The following PCSK2 variants were observed in gnomAD, a reference collection of about 807,000 sequenced individuals.
PCSK2 encodes neuroendocrine convertase 2.
In PCSK2, 14 loss-of-function variants were observed where a neutral mutation model predicts 69.7. That is an observed-to-expected ratio of 0.20 (90% CI 0.13 to 0.31). The LOEUF (loss-of-function observed/expected upper bound fraction) is 0.31, where lower values mean the gene tolerates loss of function less well. Among genes scored for constraint, PCSK2 ranks in the 10% least tolerant of loss-of-function variants. PCSK2 has a pLI of 1.00. For synonymous variants in PCSK2, 307 were observed against 320.7 expected, an observed-to-expected ratio of 0.96 and a Z score of 0.46; for missense variants, 544 against 842.5, an observed-to-expected ratio of 0.65 and a Z score of 4.39.
chr20:17,348,028 AAAG>A (rs1296739176), intron 2 of PCSK2, among the ~76,000 whole-genome samples: 6 of 126,460 alleles, frequency 4.7e-5, no homozygotes, highest in South Asian at 3.1e-4. Flanking sequence ...AAAGAGAAAG[AAAG>A]AAGAAAGAAA....
upstream of PCSK2, chr20:17,227,023 A>AG: frequency 3.0e-6 from 1 of 330,646 alleles, no homozygotes; most frequent in Non-Finnish European, 5.4e-6. Context: ...TTTAGCATCA[A>AG]GCACAGACCT....
chr20:17,349,860 C>T (rs4814608), intron 2 of PCSK2, among the ~76,000 whole-genome samples: 96,530 of 151,950 alleles, frequency 0.64, 30,931 homozygotes, highest in African/African-American at 0.7. Flanking sequence ...CAGGGCCCAT[C>T]CCTAGCAACT....
intron 2 of PCSK2, among the ~76,000 whole-genome samples, chr20:17,338,346 A>G (rs1248544852): frequency 1.3e-5 from 2 of 152,028 alleles, no homozygotes; most frequent in Non-Finnish European, 2.9e-5. Context: ...ACAGGTGGGC[A>G]CCACCAAGCC....
intron 5 of PCSK2, among the ~76,000 whole-genome samples, chr20:17,371,799 T>C (rs539438297): frequency 5.9e-5 from 9 of 152,144 alleles, no homozygotes; most frequent in Non-Finnish European, 8.8e-5. Context: ...CTATAATTTA[T>C]TTAAACATTC....
chr20:17,435,678 T>C (rs1204350792), intron 7 of PCSK2, among the ~76,000 whole-genome samples: 2 of 152,146 alleles, frequency 1.3e-5, no homozygotes, highest in Non-Finnish European at 2.9e-5. Flanking sequence ...CTTCATTCCA[T>C]AATCGCAGTG....
chr20:17,272,020 G>A (rs1337058469), intron 2 of PCSK2, among the ~76,000 whole-genome samples: 1 of 152,028 alleles, frequency 6.6e-6, no homozygotes, highest in Non-Finnish European at 1.5e-5. Context: ...TTGTAGCGTT[G>A]GTTCATAATC....
chr20:17,256,898 G>C (rs1987196340), intron 1 of PCSK2, among the ~76,000 whole-genome samples: 1 of 152,050 alleles, frequency 6.6e-6, no homozygotes, highest in Non-Finnish European at 1.5e-5. Flanking sequence ...TCTGTTAGTT[G>C]ACTGAGAATG....
At chr20:17,364,317 G>A (rs2030512477) in intron 4 of PCSK2, among the ~76,000 whole-genome samples, 1 of 152,140 alleles carries the variant, frequency 6.6e-6, no homozygotes, top group African/African-American at 2.4e-5. Flanking sequence ...GGTCCAGCAG[G>A]GTGACTGCTC....
intron 5 of PCSK2, among the ~76,000 whole-genome samples, chr20:17,402,434 G>A (rs539558935): frequency 6.6e-6 from 1 of 152,262 alleles, no homozygotes; most frequent in South Asian, 2.1e-4. Flanking sequence ...GGGAGGCTGA[G>A]GCAGGCAGAT....
intron 8 of PCSK2, among the ~76,000 whole-genome samples, chr20:17,441,593 G>A (rs1199901574): frequency 6.6e-6 from 1 of 152,180 alleles, no homozygotes; most frequent in Non-Finnish European, 1.5e-5. Context: ...CACAATCATG[G>A]TGGAAGGTGA....
chr20:17,378,977 A>G (rs941971220), intron 5 of PCSK2, among the ~76,000 whole-genome samples: 3 of 152,130 alleles, frequency 2.0e-5, no homozygotes, highest in Non-Finnish European at 4.4e-5. Flanking sequence ...TTTCTATCTC[A>G]TAGAACCAAA....
At chr20:17,312,755 C>T (rs1263952632) in intron 2 of PCSK2, among the ~76,000 whole-genome samples, 2 of 151,826 alleles carry the variant, frequency 1.3e-5, no homozygotes, top group African/African-American at 4.8e-5. Context: ...GTGTGTGTCC[C>T]CAAGAATATT....
chr20:17,344,746 A>G (rs1210653403), intron 2 of PCSK2, among the ~76,000 whole-genome samples: 5 of 152,198 alleles, frequency 3.3e-5, no homozygotes, highest in African/African-American at 1.2e-4. Flanking sequence ...CCAAGCATAA[A>G]AAATGTGCCT....
At chr20:17,435,092 GTGTT>G (rs1400966394) in intron 7 of PCSK2, among the ~76,000 whole-genome samples, 1 of 152,118 alleles carries the variant, frequency 6.6e-6, no homozygotes, top group African/African-American at 2.4e-5. Flanking sequence ...TGATAACTGG[GTGTT>G]TGTTGTCAAA....
intron 1 of PCSK2, among the ~76,000 whole-genome samples, chr20:17,248,930 G>T (rs1015885051): frequency 1.7e-4 from 26 of 152,256 alleles, no homozygotes; most frequent in African/African-American, 5.5e-4. Context: ...TGGGATTTCT[G>T]CAGAGAGCTC....
At chr20:17,416,144 G>A (rs1388388137) in intron 6 of PCSK2, among the ~76,000 whole-genome samples, 1 of 152,160 alleles carries the variant, frequency 6.6e-6, no homozygotes, top group Non-Finnish European at 1.5e-5. Flanking sequence ...AACACCAAAA[G>A]CAATGGCAAC....
At chr20:17,429,356 A>G in intron 6 of PCSK2, 79 bp from the exon 7 acceptor site, 1 of 997,960 alleles carries the variant, frequency 1.0e-6, no homozygotes, top group Non-Finnish European at 1.6e-6. Context: ...TTTTGTTCCA[A>G]AGAGAATTTT....
chr20:17,253,890 G>C (rs919840136), intron 1 of PCSK2, among the ~76,000 whole-genome samples: 1 of 152,108 alleles, frequency 6.6e-6, no homozygotes, highest in African/African-American at 2.4e-5. Context: ...GGTGCAGTTG[G>C]GCAGGGGTTG....
intron 8 of PCSK2, among the ~76,000 whole-genome samples, chr20:17,444,742 C>T (rs2032666319): frequency 6.6e-6 from 1 of 152,218 alleles, no homozygotes; most frequent in African/African-American, 2.4e-5. Flanking sequence ...TGCCAGTCAT[C>T]GCTGTCAGCA....
Sources: allele counts gnomAD v4.1 joint callset (sites outside exome capture counted in the v4.1 genomes callset), GRCh38; gene constraint gnomAD v4.1.1; transcripts MANE v1.5; gene names NCBI Gene and HGNC (gene_info 2026-07-23, HGNC 2026-07-21).